The following MPDZ variants were observed in gnomAD, a reference collection of about 807,000 sequenced individuals.
MPDZ encodes multiple PDZ domain crumbs cell polarity complex component.
Under a neutral mutation model 239.1 loss-of-function variants are expected in MPDZ, and 234 were observed. That is an observed-to-expected ratio of 0.98 (90% CI 0.88 to 1.09). MPDZ has a LOEUF of 1.09. Among genes scored for constraint, MPDZ ranks in the 50% least tolerant of loss-of-function variants. The pLI is 0.00. For missense variants in MPDZ, 3,175 were observed against 2,510.0 expected (o/e 1.26, Z -5.66); for synonymous variants, 1,048 against 881.3 (o/e 1.19, Z -3.35).
rs374433062 is a variant in MPDZ at position 13,205,949 on chromosome 9, C to A, written c.1441G>T (p.Asp481Tyr). The A allele has an allele frequency of 3.7e-6, 6 of 1,607,356 alleles. No individual in the cohort carries two copies. The highest frequency in any genetic ancestry group is 5.1e-6 in the Non-Finnish European group (6 of 1,177,408). ...MSREDVTKDA[D>Y]LSPVNASIIK... ...ATGCTGGCATTAACAGGAGACAAATCTGCATCTTTTGTGACGTCTTCCCTT... is the reference window on the plus strand; with the variant it reads ...ATGCTGGCATTAACAGGAGACAAATATGCATCTTTTGTGACGTCTTCCCTT... Residue 481 changes from aspartate to tyrosine, a missense_variant, in exon 11 of 47, where the codon GAT (aspartate) becomes TAT (tyrosine). By Grantham distance (160) the Asp-to-Tyr change is radical. Coordinates refer to ENST00000319217, the MANE Select transcript of MPDZ (RefSeq NM_001378778.1).
chr9:13,160,196 T>G (rs981281469), intron 23 of MPDZ, among the ~76,000 whole-genome samples: 1 of 152,166 alleles, frequency 6.6e-6, no homozygotes, highest in African/African-American at 2.4e-5. Flanking sequence ...TGCAATTCCT[T>G]CCTTGCTTCC....
chr9:13,176,942 A>C (rs1312139585), intron 19 of MPDZ, among the ~76,000 whole-genome samples: 1 of 152,152 alleles, frequency 6.6e-6, no homozygotes, highest in Non-Finnish European at 1.5e-5. Context: ...AAGTTTTACA[A>C]TTCAAATTAT....
At chr9:13,221,278 A>G (rs1959064153) in intron 7 of MPDZ, 94 bp downstream of exon 7, 7 of 1,344,998 alleles carry the variant, frequency 5.2e-6, no homozygotes, top group Non-Finnish European at 6.9e-6. Flanking sequence ...GGCATCATTT[A>G]AGGCCAAAGT....
At chr9:13,266,686 C>T (rs1367846451) in intron 1 of MPDZ, among the ~76,000 whole-genome samples, 2 of 152,098 alleles carry the variant, frequency 1.3e-5, no homozygotes, top group African/African-American at 4.8e-5. Context: ...TCCAAGGCTC[C>T]CTAACTCAGA....
At chr9:13,152,568 G>C (rs574219866) in intron 24 of MPDZ, among the ~76,000 whole-genome samples, 8 of 152,004 alleles carry the variant, frequency 5.3e-5, no homozygotes, top group Admixed American at 2.0e-4. Context: ...ACGTGGAACT[G>C]TGAGTCCATT....
chr9:13,150,948 A>C (rs1259936988), intron 24 of MPDZ, among the ~76,000 whole-genome samples: 5 of 152,126 alleles, frequency 3.3e-5, no homozygotes, highest in Non-Finnish European at 5.9e-5. Context: ...AGCTGAATAC[A>C]AAGGGAACTT....
chr9:13,209,208 C>T (rs150600276), intron 10 of MPDZ, among the ~76,000 whole-genome samples: 1 of 152,224 alleles, frequency 6.6e-6, no homozygotes, highest in East Asian at 1.9e-4. Context: ...TACTAAAGGC[C>T]ATACTAAGCT....
At chr9:13,233,143 G>C (rs1490770145) in intron 3 of MPDZ, among the ~76,000 whole-genome samples, 1 of 152,060 alleles carries the variant, frequency 6.6e-6, no homozygotes, top group Non-Finnish European at 1.5e-5. Context: ...CAGTTTGGCA[G>C]AATCCACGAA....
At chr9:13,112,946 G>C in intron 42 of MPDZ, 65 bp downstream of exon 42, 1 of 1,413,580 alleles carries the variant, frequency 7.1e-7, no homozygotes, top group Non-Finnish European at 9.7e-7. Context: ...AAGTTAACAA[G>C]AAAACACATA....
intron 1 of MPDZ, among the ~76,000 whole-genome samples, chr9:13,262,513 T>C (rs763269459): frequency 2.5e-4 from 38 of 152,074 alleles, no homozygotes; most frequent in Non-Finnish European, 3.1e-4. Context: ...TGTTCTTTCT[T>C]CAAACTCTAC....
In MPDZ at chr9:13,167,151, T is replaced by C. The variant is rs1204227755; in HGVS notation, c.3254+1215A>G. On this transcript the variant is annotated intron_variant, in intron 22 of 46. Coordinates refer to ENST00000319217, the MANE Select transcript of MPDZ (RefSeq NM_001378778.1). The stretch of plus-strand genomic sequence containing the variant: ...CGATAAATACATAGTCTCCACATGA[T>C]CTAGTCATGGAACACTGGCCATAAG... Among the ~76,000 whole-genome samples, 3 of 152,224 alleles carry C rather than the reference T, an allele frequency of 2.0e-5. No individual in the cohort carries two copies. The East Asian group carries it at 5.8e-4, about 29-fold the overall frequency.
chr9:13,242,726 T>A (rs1038993159), intron 3 of MPDZ, among the ~76,000 whole-genome samples: 1 of 152,164 alleles, frequency 6.6e-6, no homozygotes, highest in Non-Finnish European at 1.5e-5. Flanking sequence ...ACCCCTCATA[T>A]AATCTACTGC....
intron 43 of MPDZ, 28 bp downstream of exon 43, chr9:13,111,996 G>C (rs1346160720): frequency 6.2e-7 from 1 of 1,609,282 alleles, no homozygotes; most frequent in East Asian, 2.2e-5. Flanking sequence ...ATTTTGCTAG[G>C]GCTTCTAGGG....
chr9:13,107,917 G>A (rs990685990), intron 46 of MPDZ, among the ~76,000 whole-genome samples: 1 of 152,162 alleles, frequency 6.6e-6, no homozygotes, highest in Non-Finnish European at 1.5e-5. Flanking sequence ...TTCCTAGGCT[G>A]AGGAAAAGGA....
chr9:13,108,050 G>A (rs1941782710), intron 46 of MPDZ, among the ~76,000 whole-genome samples: 1 of 151,480 alleles, frequency 6.6e-6, no homozygotes, highest in Non-Finnish European at 1.5e-5. Flanking sequence ...ACTTTAAATT[G>A]GCTAAAAAAA....
intron 13 of MPDZ, among the ~76,000 whole-genome samples, chr9:13,194,812 C>T (rs1365605455): frequency 6.6e-6 from 1 of 152,072 alleles, no homozygotes; most frequent in African/African-American, 2.4e-5. Flanking sequence ...GGACTGCAGT[C>T]TCAGTTATGC....
At chr9:13,163,425 A>G (rs919176296) in intron 22 of MPDZ, among the ~76,000 whole-genome samples, 2 of 152,168 alleles carry the variant, frequency 1.3e-5, no homozygotes, top group African/African-American at 2.4e-5. Flanking sequence ...AGAAAAGACT[A>G]CTATTTACAC....
At chr9:13,207,574 C>T (rs996653833) in intron 10 of MPDZ, among the ~76,000 whole-genome samples, 1 of 152,172 alleles carries the variant, frequency 6.6e-6, no homozygotes, top group South Asian at 2.1e-4. Flanking sequence ...CATATAATTG[C>T]TTTATATTTC....
chr9:13,119,353 G>C, intron 39 of MPDZ, 149 bp downstream of exon 39: 1 of 927,458 alleles, frequency 1.1e-6, no homozygotes, highest in Non-Finnish European at 1.6e-6. Flanking sequence ...CCAAAATGCT[G>C]GGATTATAGG....
Sources: allele counts gnomAD v4.1 joint callset (sites outside exome capture counted in the v4.1 genomes callset), GRCh38; gene constraint gnomAD v4.1.1; transcripts MANE v1.5; gene names NCBI Gene and HGNC (gene_info 2026-07-23, HGNC 2026-07-21).